The following NRXN1 variants were observed in gnomAD, a reference collection of about 807,000 sequenced individuals.
NRXN1 encodes the protein neurexin 1.
A neutral mutation model predicts 150.9 loss-of-function variants in NRXN1; 39 were observed. That is an observed-to-expected ratio of 0.26 (90% CI 0.20 to 0.34). The LOEUF (loss-of-function observed/expected upper bound fraction) is 0.34, where lower values mean the gene tolerates loss of function less well. Ranked by LOEUF, NRXN1 falls within the 10% of genes least tolerant of loss-of-function variation. NRXN1 has a pLI of 1.00. For synonymous variants in NRXN1, 924 were observed against 757.0 expected, an observed-to-expected ratio of 1.22 and a Z score of -3.62; for missense variants, 1,815 against 1,949.9, an observed-to-expected ratio of 0.93 and a Z score of 1.30.
intron 5 of NRXN1, among the ~76,000 whole-genome samples, chr2:50,820,985 T>C (rs1669645560): frequency 6.6e-6 from 1 of 152,182 alleles, no homozygotes; most frequent in Non-Finnish European, 1.5e-5. Flanking sequence ...AACTGCATTT[T>C]CTAATTAAGC....
intron 8 of NRXN1, among the ~76,000 whole-genome samples, chr2:50,564,315 A>G (rs1341640189): frequency 6.6e-6 from 1 of 152,194 alleles, no homozygotes; most frequent in Non-Finnish European, 1.5e-5. Flanking sequence ...CTTAAGGGTT[A>G]AGATCTTAAA....
intron 9 of NRXN1, among the ~76,000 whole-genome samples, chr2:50,543,697 T>C (rs964949457): frequency 6.6e-6 from 1 of 152,142 alleles, no homozygotes; most frequent in African/African-American, 2.4e-5. Context: ...TGAGGTAGTT[T>C]TTCATTACCT....
At chr2:50,896,291 T>C (rs545155851) in intron 5 of NRXN1, among the ~76,000 whole-genome samples, 8 of 152,276 alleles carry the variant, frequency 5.3e-5, no homozygotes, top group African/African-American at 1.4e-4. Flanking sequence ...CATAGCCTAA[T>C]ACACACATTT....
intron 12 of NRXN1, among the ~76,000 whole-genome samples, chr2:50,525,116 C>G (rs2092911176): frequency 6.6e-6 from 1 of 152,162 alleles, no homozygotes; most frequent in Non-Finnish European, 1.5e-5. Context: ...TTTTAAATGA[C>G]TTACTAAAGT....
chr2:50,648,689 G>A (rs973176475), intron 5 of NRXN1, among the ~76,000 whole-genome samples: 2 of 151,898 alleles, frequency 1.3e-5, no homozygotes, highest in African/African-American at 4.8e-5. Context: ...GCAACCAATG[G>A]ATTTAATGGG....
chr2:50,697,065 T>C (rs1311391038), intron 5 of NRXN1, among the ~76,000 whole-genome samples: 1 of 152,010 alleles, frequency 6.6e-6, no homozygotes. Flanking sequence ...GTACCAGCAA[T>C]AAGACAATAT....
At chr2:50,598,667 CAT>C (rs1491291977) in intron 8 of NRXN1, among the ~76,000 whole-genome samples, 7 of 143,116 alleles carry the variant, frequency 4.9e-5, no homozygotes, top group East Asian at 2.0e-4. Flanking sequence ...CATATATATT[CAT>C]ATATATGTGT....
chr2:50,782,006 TA>T (rs1159595413), intron 5 of NRXN1, among the ~76,000 whole-genome samples: 1 of 152,146 alleles, frequency 6.6e-6, no homozygotes, highest in Non-Finnish European at 1.5e-5. Context: ...CACCGAAAAA[TA>T]AGTCATTCAG....
intron 17 of NRXN1, among the ~76,000 whole-genome samples, chr2:50,405,681 C>A (rs2082707312): frequency 6.6e-6 from 1 of 151,978 alleles, no homozygotes; most frequent in South Asian, 2.1e-4. Context: ...CAGTGGGAAG[C>A]AAACAAAATT....
At chr2:49,983,231 A>G (rs1680275453) in intron 21 of NRXN1, among the ~76,000 whole-genome samples, 1 of 152,108 alleles carries the variant, frequency 6.6e-6, no homozygotes, top group Non-Finnish European at 1.5e-5. Context: ...ATTATTAGCA[A>G]CTCAAGGGAT....
At chr2:50,859,374 T>G (rs1169695298) in intron 5 of NRXN1, among the ~76,000 whole-genome samples, 2 of 152,024 alleles carry the variant, frequency 1.3e-5, no homozygotes, top group Non-Finnish European at 2.9e-5. Context: ...AATATTTAAG[T>G]GTCAATGTAA....
chr2:50,996,581 G>T (rs556087189), intron 2 of NRXN1, among the ~76,000 whole-genome samples: 7 of 152,154 alleles, frequency 4.6e-5, no homozygotes, highest in Non-Finnish European at 1.0e-4. Flanking sequence ...TCCCAGATCT[G>T]CATGTACCTG....
intron 5 of NRXN1, among the ~76,000 whole-genome samples, chr2:50,643,624 A>G (rs1684372849): frequency 6.6e-6 from 1 of 151,918 alleles, no homozygotes; most frequent in South Asian, 2.1e-4. Flanking sequence ...TTCCACATGT[A>G]TAATCAGTTC....
intron 18 of NRXN1, among the ~76,000 whole-genome samples, chr2:50,210,457 G>C (rs2062933954): frequency 1.3e-5 from 2 of 151,682 alleles, no homozygotes; most frequent in East Asian, 1.9e-4. Context: ...TGTTTTATGA[G>C]TCATAGCTAT....
rs542965592 is a variant in NRXN1 at position 50,626,962 on chromosome 2, T to C, written c.833-3347A>G. 2.0e-5 allele frequency among the ~76,000 whole-genome samples: 3 copies of C among 151,984 alleles called. No homozygotes were observed. The East Asian group carries it at 5.8e-4, about 29-fold the overall frequency. On this transcript the variant is annotated intron_variant, in intron 5 of 22. Coordinates refer to ENST00000401669, the MANE Select transcript of NRXN1 (RefSeq NM_001330078.2). ...GTAATTTCATGGAAAAACAGATATG[T>C]ATTGCTTATGAATAATGAACAGATA...
At chr2:50,029,277 T>TA (rs1258695708) in intron 21 of NRXN1, among the ~76,000 whole-genome samples, 1 of 152,144 alleles carries the variant, frequency 6.6e-6, no homozygotes, top group African/African-American at 2.4e-5. Context: ...TTGTGAGAAA[T>TA]AAATGTATGT....
intron 17 of NRXN1, among the ~76,000 whole-genome samples, chr2:50,408,236 A>T (rs1005430366): frequency 5.9e-5 from 9 of 152,216 alleles, no homozygotes; most frequent in Non-Finnish European, 1.3e-4. Flanking sequence ...TGAGTCTACA[A>T]TAGATTAACA....
In NRXN1 at chr2:50,219,983, TATTA is replaced by T. The variant is rs1279097219; in HGVS notation, c.3546+16802_3546+16805del. ...ATATATTATATATATATAATATATA[TATTA>T]TATATAATATATATTATATAATATA... On this transcript the variant is annotated intron_variant, in intron 18 of 22. Transcript: ENST00000401669. 6.2e-5 allele frequency among the ~76,000 whole-genome samples: 3 copies of T among 48,166 alleles called. No individual in the cohort carries two copies. The African/African-American group carries it at 6.4e-4, about 10-fold the overall frequency. 31.6% of individuals were successfully genotyped at this position (48,166 alleles called of 152,430 possible).
At chr2:50,922,797 A>T (rs1686252799) in intron 3 of NRXN1, 110 bp from the exon 4 acceptor site, 2 of 1,076,892 alleles carry the variant, frequency 1.9e-6, no homozygotes, top group African/African-American at 3.1e-5. Context: ...CCTATGAGAC[A>T]TGTCTGTATC....
Sources: allele counts gnomAD v4.1 joint callset (sites outside exome capture counted in the v4.1 genomes callset), GRCh38; gene constraint gnomAD v4.1.1; transcripts MANE v1.5; gene names NCBI Gene and HGNC (gene_info 2026-07-23, HGNC 2026-07-21).